POLR1A: variants seen among roughly 807,000 people sequenced by gnomAD.
POLR1A encodes the protein DNA-directed RNA polymerase I subunit RPA1.
A neutral mutation model predicts 205.3 loss-of-function variants in POLR1A; 84 were observed. That is an observed-to-expected ratio of 0.41 (90% CI 0.34 to 0.49). The LOEUF (loss-of-function observed/expected upper bound fraction) is 0.49. Ranked by LOEUF, POLR1A falls within the 20% of genes least tolerant of loss-of-function variation. The pLI, the probability that POLR1A is intolerant of heterozygous loss-of-function variation, is 0.22. For synonymous variants in POLR1A, 799 were observed against 863.7 expected (o/e 0.93, Z 1.31); for missense variants, 1,645 against 2,204.5 (o/e 0.75, Z 5.08).
At chr2:86,077,530 G>C (rs1379972468) in intron 11 of POLR1A, among the ~76,000 whole-genome samples, 1 of 152,176 alleles carries the variant, frequency 6.6e-6, no homozygotes, top group African/African-American at 2.4e-5. Flanking sequence ...CAAAAGACTA[G>C]GCTGAAGTGG....
chr2:86,022,236 CCTTT>C lies in POLR1A; in HGVS notation c.*5183_*5186del, dbSNP rs1315860845. ...CCAGGTTTCTGCTGGAAGCATCATC[CCTTT>C]CTTCTTTCAGGCTTTGTTGAGCCCC... On this transcript the variant is annotated 3_prime_UTR_variant, in exon 34 of 34. Transcript: ENST00000263857. The C allele has an allele frequency of 6.6e-6, 1 of 152,276 alleles. No individual in the cohort carries two copies. The highest frequency in any genetic ancestry group is 1.5e-5 in the Non-Finnish European group (1 of 68,100). The allele number at this position is 152,276 out of a possible 1,614,324, so 9.4% of individuals were successfully genotyped here.
Position 86,038,711 on chromosome 2 carries a change from G to A in POLR1A, c.4023C>T (p.Phe1341=), listed in dbSNP as rs756071882. 9.4e-5 allele frequency: 151 copies of A among 1,613,498 alleles called. No individual in the cohort carries two copies. Among genetic ancestry groups the A allele is most frequent in the Non-Finnish European group, 1.2e-4 (145 of 1,179,978 alleles). ...KCLRPEDILR[F]METRFFKLLM... ...GCCTGAGCCCTGACCTTGTTTCCATGAAGCGCAGGATGTCCTCGGGTCTCA... is the reference window on the plus strand; with the variant it reads ...GCCTGAGCCCTGACCTTGTTTCCATAAAGCGCAGGATGTCCTCGGGTCTCA... The change falls in exon 27 of 34, where the codon TTC becomes TTT. Residue 1341 remains phenylalanine, a synonymous_variant. Coordinates refer to ENST00000263857, the MANE Select transcript of POLR1A (RefSeq NM_015425.6).
rs1358315370 is a variant in POLR1A, at chr2:86,026,396, C to T, written c.*1027G>A. Reference sequence around the variant, plus strand: ...GTTCCAATGATGTTAATTACCCGCCCTGAGCTGAAATAACAGTAGACAAAG... The same window carrying T: ...GTTCCAATGATGTTAATTACCCGCCTTGAGCTGAAATAACAGTAGACAAAG... On this transcript the variant is annotated 3_prime_UTR_variant, in exon 34 of 34. Coordinates refer to ENST00000263857, the MANE Select transcript of POLR1A (RefSeq NM_015425.6). The T allele has an allele frequency of 6.6e-6, 1 of 152,224 alleles. No homozygotes were observed. The highest frequency in any genetic ancestry group is 1.5e-5 in the Non-Finnish European group (1 of 68,044). The allele number at this position is 152,224 out of a possible 1,614,324, so 9.4% of individuals were successfully genotyped here. A position where few individuals can be genotyped will look rare whatever the true frequency, so the allele number is the denominator to read the frequency against.
rs1690125875 is a variant in POLR1A, at chr2:86,021,091, G to A, written c.*6332C>T. ...TTGAGGTTTGATTGGCTGAACGCAC[G>A]TGGAACATCAGGTTCATGTTTCCAA... On this transcript the variant is annotated 3_prime_UTR_variant, in exon 34 of 34. Transcript: ENST00000263857. The A allele has an allele frequency of 2.0e-5, 3 of 152,204 alleles. No homozygotes were observed. The highest frequency in any genetic ancestry group is 2.0e-4 in the Admixed American group (3 of 15,276). The allele number at this position is 152,204 out of a possible 1,614,324, so 9.4% of individuals were successfully genotyped here. A position where few individuals can be genotyped will look rare whatever the true frequency, so the allele number is the denominator to read the frequency against.
chr2:86,101,124 G>A (rs967558593), intron 1 of POLR1A, among the ~76,000 whole-genome samples: 1 of 152,116 alleles, frequency 6.6e-6, no homozygotes. Flanking sequence ...TTTTATGTTT[G>A]GTTTGAAAGG....
Position 86,030,325 on chromosome 2 carries a change from A to G in POLR1A, c.4650T>C (p.Gly1550=). ...MSSLVVSLAH[G]AVIYATKGIT... The stretch of plus-strand genomic sequence containing the variant: ...TGCCCTTGGTCGCATAGATGACGGC[A>G]CCATGGGCCAAAGATACTACCAGGG... Residue 1550 remains glycine (G), a synonymous_variant, in exon 31 of 34, where the codon GGT becomes GGC. Coordinates refer to ENST00000263857, the MANE Select transcript of POLR1A (RefSeq NM_015425.6). The G allele has an allele frequency of 1.2e-6, 2 of 1,614,124 alleles. No individual in the cohort carries two copies. Among genetic ancestry groups the G allele is most frequent in the Non-Finnish European group, 1.7e-6 (2 of 1,179,954 alleles).
At position 86,080,908 on chromosome 2, in the gene POLR1A, T is replaced by C. The variant is rs1400390144; in HGVS notation, c.994A>G (p.Met332Val). 2 of 1,614,102 alleles carry C rather than the reference T, an allele frequency of 1.2e-6. No individual in the cohort carries two copies. The highest frequency in any genetic ancestry group is 1.7e-5 in the Admixed American group (1 of 60,022). The change falls in exon 9 of 34, where the codon ATG (methionine) becomes GTG (valine). Residue 332 changes from methionine (M) to valine (V), a missense_variant. This residue lies in a region of POLR1A where 78 missense variants were observed against 77.7 expected (regional missense o/e 1.00). Transcript: ENST00000263857. Reference sequence around the variant, plus strand: ...TTTCGAATCAGAACTACATCCTTCATGACAGCCTGCAAGTTCACCGTCTGG... The same window carrying C: ...TTTCGAATCAGAACTACATCCTTCACGACAGCCTGCAAGTTCACCGTCTGG... ...NGQTVNLQAV[M>V]KDVVLIRKLL...
rs1323919498 is a variant in POLR1A at position 86,079,734 on chromosome 2, T to C, written c.1086+1082A>G. 2.0e-5 allele frequency among the ~76,000 whole-genome samples: 3 copies of C among 152,156 alleles called. No homozygotes were observed. In the East Asian group the frequency reaches 5.8e-4, roughly 29 times the overall value. ...TGAACCACCATGCCCAGCTATTTTT[T>C]GTATTTTTGGTAGAGACAGGGTTTC... On this transcript the variant is annotated intron_variant, in intron 9 of 33. Coordinates refer to ENST00000263857, the MANE Select transcript of POLR1A (RefSeq NM_015425.6).
intron 21 of POLR1A, 149 bp from the exon 22 acceptor site, chr2:86,044,453 C>T: frequency 2.6e-6 from 2 of 774,392 alleles, no homozygotes; most frequent in Non-Finnish European, 2.0e-6. Context: ...ATCCAATGCC[C>T]CGGGGTCTGG....
intron 13 of POLR1A, among the ~76,000 whole-genome samples, chr2:86,068,338 C>A (rs1032230054): frequency 7.9e-6 from 1 of 126,638 alleles, no homozygotes; most frequent in Non-Finnish European, 1.5e-5. Context: ...TTAGTCCCAG[C>A]CTTGGCTGTC....
rs35239368 is a variant in POLR1A, at chr2:86,078,281, T to C, written c.1090A>G (p.Lys364Glu). The change falls in exon 10 of 34, where the codon AAA (lysine) becomes GAA (glutamate). Residue 364 changes from lysine to glutamate, a missense_variant. Transcript: ENST00000263857. ...CGGTCAATAGCAATCAAAGAGTCTT[T>C]TTCCTGGAAGATGAAACCAAGAAAA... The part of the protein sequence containing the change: ...EVATPTTDEE[K>E]DSLIAIDRSF... 34,162 of 1,562,322 alleles carry C rather than the reference T, an allele frequency of 0.022. 5,405 individuals are homozygous for C. The African/African-American group carries it at 0.37, about 17-fold the overall frequency.
At chr2:86,059,477 T>C (rs1672958160) in intron 14 of POLR1A, among the ~76,000 whole-genome samples, 2 of 152,208 alleles carry the variant, frequency 1.3e-5, no homozygotes, top group South Asian at 4.1e-4. Flanking sequence ...GTTGTAAATA[T>C]CAGATTTATC....
chr2:86,092,938 C>T (rs749789281), intron 3 of POLR1A, among the ~76,000 whole-genome samples: 1 of 152,192 alleles, frequency 6.6e-6, no homozygotes, highest in Non-Finnish European at 1.5e-5. Flanking sequence ...CTCATGATTA[C>T]AGAGGCAAAA....
rs902528083 is a variant in POLR1A, at chr2:86,020,848, T to C, written c.*6575A>G. ...TGCTGAATGTCCCCTGGGGGGCAAA[T>C]TGCCCCAAGTTGAGAACCACTTAGT... On this transcript the variant is annotated 3_prime_UTR_variant, in exon 34 of 34. Transcript: ENST00000263857. The C allele has an allele frequency of 6.6e-6, 1 of 152,210 alleles. No homozygotes were observed. Among genetic ancestry groups the C allele is most frequent in the Non-Finnish European group, 1.5e-5 (1 of 68,038 alleles). 9.4% of individuals were successfully genotyped at this position (152,210 alleles called of 1,614,324 possible).
chr2:86,083,046 GA>G, intron 7 of POLR1A, 35 bp downstream of exon 7: 1 of 1,443,894 alleles, frequency 6.9e-7, no homozygotes, highest in Non-Finnish European at 9.8e-7. Flanking sequence ...AAAGCCTAGA[GA>G]AGATCAAGGC....
chr2:86,061,653 T>C (rs1248077637), intron 14 of POLR1A, among the ~76,000 whole-genome samples: 1 of 152,132 alleles, frequency 6.6e-6, no homozygotes, highest in Non-Finnish European at 1.5e-5. Context: ...GAAAAATGGA[T>C]AAATACATGA....
chr2:86,031,678 C>T (rs1215814221), intron 29 of POLR1A, 43 bp from the exon 30 acceptor site: 1 of 1,574,606 alleles, frequency 6.4e-7, no homozygotes, highest in African/African-American at 1.3e-5. Flanking sequence ...TGGGGACCCA[C>T]CATCTACCTG....
At position 86,022,875 on chromosome 2, in the gene POLR1A, C is replaced by G. The variant is rs533767394; in HGVS notation, c.*4548G>C. 6.6e-6 allele frequency: 1 copy of G among 152,084 alleles called. No individual in the cohort carries two copies. Among genetic ancestry groups the G allele is most frequent in the Admixed American group, 6.6e-5 (1 of 15,260 alleles). 9.4% of individuals were successfully genotyped at this position (152,084 alleles called of 1,614,324 possible). A position where few individuals can be genotyped will look rare whatever the true frequency, so the allele number is the denominator to read the frequency against. ...GACTGTAAGCGTGAGCCACTGTGCC[C>G]GGCCAGAATCAATCTTTTTTTTTTT... On this transcript the variant is annotated 3_prime_UTR_variant, in exon 34 of 34. Transcript: ENST00000263857.
Position 86,023,495 on chromosome 2 carries a change from A to C in POLR1A, c.*3928T>G, listed in dbSNP as rs1201043575. 6.6e-6 allele frequency: 1 copy of C among 152,194 alleles called. No individual in the cohort carries two copies. Among genetic ancestry groups the C allele is most frequent in the African/African-American group, 2.4e-5 (1 of 41,434 alleles). The allele number at this position is 152,194 out of a possible 1,614,324, so 9.4% of individuals were successfully genotyped here. A position where few individuals can be genotyped will look rare whatever the true frequency, so the allele number is the denominator to read the frequency against. ...ACTCTCCCCAGGTGCAGAACACTTA[A>C]GGGTCCCAACATCTGATTGAAACAC... On this transcript the variant is annotated 3_prime_UTR_variant, in exon 34 of 34. Coordinates refer to ENST00000263857, the MANE Select transcript of POLR1A (RefSeq NM_015425.6).
Sources: gnomAD v4.1 joint callset for allele counts (sites outside exome capture counted in the v4.1 genomes callset) on GRCh38, gnomAD v4.1.1 for gene constraint, gnomAD v4.1.1 regional missense constraint, MANE v1.5 for transcripts, NCBI Gene and HGNC (gene_info 2026-07-23, HGNC 2026-07-21) for gene names.